PRDM16: variants seen among roughly 807,000 people sequenced by gnomAD.
PRDM16 encodes the protein histone-lysine N-methyltransferase PRDM16.
PRDM16 carries 23 observed loss-of-function variants against 110.6 expected under a neutral mutation model. The ratio of observed to expected loss-of-function variants is 0.21; its 90% CI spans 0.15 to 0.29. The LOEUF is 0.29. PRDM16 is among the 10% of genes least tolerant of loss of function. The pLI is 1.00. For synonymous variants in PRDM16, 799 were observed against 781.8 expected, an observed-to-expected ratio of 1.02 and a Z score of -0.37; for missense variants, 1,615 against 1,794.3, an observed-to-expected ratio of 0.90 and a Z score of 1.81.
chr1:3,266,688 T>C (rs950728741), intron 3 of PRDM16, among the ~76,000 whole-genome samples: 3 of 152,312 alleles, frequency 2.0e-5, no homozygotes, highest in Non-Finnish European at 1.5e-5. Context: ...TATTTATTTA[T>C]GTTTGAGACG....
At chr1:3,070,292 G>T (rs1641717348) in intron 1 of PRDM16, among the ~76,000 whole-genome samples, 1 of 149,492 alleles carries the variant, frequency 6.7e-6, no homozygotes, top group African/African-American at 2.4e-5. Flanking sequence ...GCCGCGGGCC[G>T]GGTGCTCCAG....
intron 1 of PRDM16, among the ~76,000 whole-genome samples, chr1:3,179,292 C>G (rs999283137): frequency 6.6e-6 from 1 of 152,220 alleles, no homozygotes; most frequent in Non-Finnish European, 1.5e-5. Flanking sequence ...CGCTTGTGCC[C>G]CAGGGCATGG....
intron 1 of PRDM16, among the ~76,000 whole-genome samples, chr1:3,120,961 GTT>G (rs955914962): frequency 3.9e-5 from 6 of 152,254 alleles, no homozygotes; most frequent in Admixed American, 3.9e-4. Flanking sequence ...ACCTTCACAT[GTT>G]TGGGTTTGGA....
Position 3,219,803 on chromosome 1 carries a change from C to T in PRDM16, c.388-24284C>T, listed in dbSNP as rs181737617. Among the ~76,000 whole-genome samples the T allele has an allele frequency of 1.9e-3, 282 of 152,256 alleles. 1 individual carries two copies. The highest frequency in any genetic ancestry group is 6.5e-3 in the African/African-American group (269 of 41,544). Reference sequence around the variant, plus strand: ...TGCTTCACCGACTTCGGGAGAAACCCCCATACCTCACGGGCGCTGTCTCCC... The same window carrying T: ...TGCTTCACCGACTTCGGGAGAAACCTCCATACCTCACGGGCGCTGTCTCCC... On this transcript the variant is annotated intron_variant, in intron 2 of 16. Coordinates refer to ENST00000270722, the MANE Select transcript of PRDM16 (RefSeq NM_022114.4).
In PRDM16 at chr1:3,081,394, G is replaced by C. The variant is rs1642024703; in HGVS notation, c.37+12098G>C. Among the ~76,000 whole-genome samples the C allele has an allele frequency of 6.6e-6, 1 of 152,168 alleles. No homozygotes were observed. The highest frequency in any genetic ancestry group is 1.5e-5 in the Non-Finnish European group (1 of 68,024). On this transcript the variant is annotated intron_variant, in intron 1 of 16. Transcript: ENST00000270722. This position sits in a 1 kb window ranked among gnomAD's most constrained non-coding sequence, Gnocchi z 4.6. ...GGGCTGGTGGCCACGGTGGGCGTGA[G>C]AGGCCCATTCCTGCAGCCTGGCCCG...
At chr1:3,107,248 C>T (rs1347127392) in intron 1 of PRDM16, among the ~76,000 whole-genome samples, 2 of 152,210 alleles carry the variant, frequency 1.3e-5, no homozygotes, top group East Asian at 3.9e-4. Flanking sequence ...CCCTGTTGGT[C>T]TTGGGGGACC....
At chr1:3,251,454 G>A (rs1463572436) in intron 3 of PRDM16, among the ~76,000 whole-genome samples, 1 of 152,160 alleles carries the variant, frequency 6.6e-6, no homozygotes, top group Non-Finnish European at 1.5e-5. Flanking sequence ...CTAGGTGTGG[G>A]AACGAGGGAC....
In PRDM16 at chr1:3,201,475, T is replaced by C. The variant is rs1638626056; in HGVS notation, c.387+15001T>C. On this transcript the variant is annotated intron_variant, in intron 2 of 16. Transcript: ENST00000270722. This position sits in a 1 kb window ranked among gnomAD's most constrained non-coding sequence, Gnocchi z 4.1. ...AGAGCTCCCACCGCAGGGCCCAGCC[T>C]CCTGCTCACTGGGATATTCCCTCAT... Among the ~76,000 whole-genome samples, 2 of 152,094 alleles carry C rather than the reference T, an allele frequency of 1.3e-5. No individual in the cohort carries two copies. The highest frequency in any genetic ancestry group is 6.5e-5 in the Admixed American group (1 of 15,284).
At chr1:3,399,155 TAAAG>T (rs963353792) in intron 5 of PRDM16, among the ~76,000 whole-genome samples, 4 of 152,174 alleles carry the variant, frequency 2.6e-5, no homozygotes, top group South Asian at 2.1e-4. Context: ...TGGGAGAAAA[TAAAG>T]AAAGTCACTT....
rs1640950368 is a variant in PRDM16, at chr1:3,290,598, GC to G, written c.438+46462del. Among the ~76,000 whole-genome samples the G allele has an allele frequency of 6.6e-6, 1 of 152,192 alleles. No homozygotes were observed. The highest frequency in any genetic ancestry group is 2.1e-4 in the South Asian group (1 of 4,822). ...TCACTGAAGAAGCCCCGTGGCTCCG[GC>G]TCCGTCTGCAGGATCCCTCCCAGGA... On this transcript the variant is annotated intron_variant, in intron 3 of 16. Transcript: ENST00000270722. This position sits in a 1 kb window ranked among gnomAD's most constrained non-coding sequence, Gnocchi z 4.8.
At position 3,244,326 on chromosome 1, in the gene PRDM16, A is replaced by T. The variant is rs369082436; in HGVS notation, c.438+189A>T. ...GGTGGCTTTGCTGTCATTAGGAGGG[A>T]TGGGGAGGTGGGGGTCATGTCGCCG... On this transcript the variant is annotated intron_variant, in intron 3 of 16. Coordinates refer to ENST00000270722, the MANE Select transcript of PRDM16 (RefSeq NM_022114.4). This position sits in a 1 kb window ranked among gnomAD's most constrained non-coding sequence, Gnocchi z 4.1. 4.1e-4 allele frequency among the ~76,000 whole-genome samples: 62 copies of T among 151,888 alleles called. No homozygotes were observed. In the East Asian group the frequency reaches 0.012, roughly 30 times the overall value.
In PRDM16 at chr1:3,412,654, G is replaced by A. The variant is rs779330948; in HGVS notation, c.2457G>A (p.Gly819=). 1.3e-6 allele frequency: 2 copies of A among 1,540,674 alleles called. No homozygotes were observed. Among genetic ancestry groups the A allele is most frequent in the Admixed American group, 4.0e-5 (2 of 49,946 alleles). ...SRARASQNGG[G]REPRKNHVYG... The stretch of plus-strand genomic sequence containing the variant: ...CCCGTGCCAGCCAAAACGGCGGCGG[G>A]CGGGAGCCCCGCAAGAACCACGTCT... Residue 819 remains glycine (G), a synonymous_variant, in exon 9 of 17, where the codon GGG becomes GGA. Transcript: ENST00000270722.
rs531084722 is a variant in PRDM16, at chr1:3,080,715, G to C, written c.37+11419G>C. 9.2e-5 allele frequency among the ~76,000 whole-genome samples: 14 copies of C among 152,230 alleles called. No homozygotes were observed. Among genetic ancestry groups the C allele is most frequent in the African/African-American group, 2.9e-4 (12 of 41,540 alleles). The stretch of plus-strand genomic sequence containing the variant: ...GCCAGCTTGCTCTCCCCCTCGGACC[G>C]GGCAACTGCTCCTGGATTTCTGTTC... On this transcript the variant is annotated intron_variant, in intron 1 of 16. Coordinates refer to ENST00000270722, the MANE Select transcript of PRDM16 (RefSeq NM_022114.4). The surrounding 1 kb of genome is among the most constrained non-coding windows in gnomAD (Gnocchi z 5.2).
intron 3 of PRDM16, among the ~76,000 whole-genome samples, chr1:3,327,598 C>T (rs1328936258): frequency 6.6e-6 from 1 of 152,256 alleles, no homozygotes; most frequent in Admixed American, 6.5e-5. Context: ...CACATGGCTG[C>T]CGCCCATGAC....
intron 3 of PRDM16, among the ~76,000 whole-genome samples, chr1:3,280,674 C>A (rs973334127): frequency 7.2e-5 from 11 of 152,208 alleles, no homozygotes; most frequent in Non-Finnish European, 4.4e-5. Context: ...CTAAGACCTT[C>A]TCTGAGGCAT....
intron 1 of PRDM16, among the ~76,000 whole-genome samples, chr1:3,111,807 C>T (rs1642801959): frequency 6.6e-6 from 1 of 152,230 alleles, no homozygotes; most frequent in South Asian, 2.1e-4. Flanking sequence ...TGCCTATTCT[C>T]CTTCCCCGCA....
rs1488755979 is a variant in PRDM16, at chr1:3,382,904, A to C, written c.439-2248A>C. Among the ~76,000 whole-genome samples, 1 of 152,206 alleles carries C rather than the reference A, an allele frequency of 6.6e-6. No homozygotes were observed. The highest frequency in any genetic ancestry group is 1.5e-5 in the Non-Finnish European group (1 of 68,018). ...CATGGGCTGGGGACGGGACTGGGAT[A>C]CTGCCAGCCCCATGTGGCCAGCTGT... On this transcript the variant is annotated intron_variant, in intron 3 of 16. Transcript: ENST00000270722. This position sits in a 1 kb window ranked among gnomAD's most constrained non-coding sequence, Gnocchi z 6.6.
At position 3,157,438 on chromosome 1, in the gene PRDM16, A is replaced by T. The variant is rs1255427044; in HGVS notation, c.38-28687A>T. Among the ~76,000 whole-genome samples the T allele has an allele frequency of 1.3e-5, 2 of 151,416 alleles. No homozygotes were observed. Among genetic ancestry groups the T allele is most frequent in the Non-Finnish European group, 2.9e-5 (2 of 67,964 alleles). On this transcript the variant is annotated intron_variant, in intron 1 of 16. Transcript: ENST00000270722. This position sits in a 1 kb window ranked among gnomAD's most constrained non-coding sequence, Gnocchi z 4.8. ...CGATCCCATTAAAAAAAAAAAAAAAAAAAACACCTTTGTGGGGGCTGGGGG... is the reference window on the plus strand; with the variant it reads ...CGATCCCATTAAAAAAAAAAAAAAATAAAACACCTTTGTGGGGGCTGGGGG...
chr1:3,426,629 C>G (rs1407969985), intron 14 of PRDM16, among the ~76,000 whole-genome samples: 1 of 152,242 alleles, frequency 6.6e-6, no homozygotes, highest in African/African-American at 2.4e-5. Flanking sequence ...CACACATACA[C>G]ATGTGTACAC....
Sources: allele counts gnomAD v4.1 joint callset (sites outside exome capture counted in the v4.1 genomes callset), GRCh38; gene constraint gnomAD v4.1.1; non-coding constraint Gnocchi (gnomAD v3.1); transcripts MANE v1.5; gene names NCBI Gene and HGNC (gene_info 2026-07-23, HGNC 2026-07-21).